The following TENM3 variants were observed in gnomAD, a reference collection of about 807,000 sequenced individuals.
TENM3 encodes teneurin-3.
A neutral mutation model predicts 255.1 loss-of-function variants in TENM3; 63 were observed. The observed-to-expected ratio is 0.25, with a 90% CI of 0.20 to 0.30. TENM3 has a LOEUF of 0.30. TENM3 is among the 10% of genes least tolerant of loss of function. TENM3 has a pLI of 1.00. For synonymous variants in TENM3, 1,306 were observed against 1,322.3 expected (o/e 0.99, Z 0.27); for missense variants, 2,929 against 3,461.1 (o/e 0.85, Z 3.86).
At chr4:181,758,701 C>A in the TENM3 span, among the ~76,000 whole-genome samples, 1 of 152,282 alleles carries the variant, frequency 6.6e-6, no homozygotes, top group Non-Finnish European at 1.5e-5. Context: ...TATTTGACAG[C>A]CAGCCTGCTT....
At chr4:182,275,179 C>T (rs76023719) in intron 1 of TENM3, among the ~76,000 whole-genome samples, 48 of 152,200 alleles carry the variant, frequency 3.2e-4, no homozygotes, top group African/African-American at 8.7e-4. Context: ...ATTGTCGTCT[C>T]GTGTAATGGC....
At chr4:182,544,816 C>T (rs1055726306) in intron 3 of TENM3, among the ~76,000 whole-genome samples, 1 of 152,128 alleles carries the variant, frequency 6.6e-6, no homozygotes, top group Admixed American at 6.5e-5. Context: ...CAAATATATG[C>T]CCACACTGTT....
intron 2 of TENM3, among the ~76,000 whole-genome samples, chr4:182,326,919 A>G (rs1452443439): frequency 6.6e-6 from 1 of 152,142 alleles, no homozygotes; most frequent in African/African-American, 2.4e-5. Flanking sequence ...ATATTTAGGA[A>G]ATAAAATTGA....
chr4:181,774,091 G>A, the TENM3 span, among the ~76,000 whole-genome samples: 1 of 92,626 alleles, frequency 1.1e-5, no homozygotes, highest in Non-Finnish European at 2.0e-5. Flanking sequence ...ATGTATACAT[G>A]TGCCATGCTG....
At chr4:181,998,184 C>T in the TENM3 span, among the ~76,000 whole-genome samples, 1 of 152,104 alleles carries the variant, frequency 6.6e-6, no homozygotes, top group Non-Finnish European at 1.5e-5. Flanking sequence ...TTTTTAAAAT[C>T]ATGCACAGAA....
chr4:182,437,106 G>A (rs1231878916), intron 3 of TENM3, among the ~76,000 whole-genome samples: 1 of 151,428 alleles, frequency 6.6e-6, no homozygotes, highest in Non-Finnish European at 1.5e-5. Context: ...TAAATGCATT[G>A]AAATGTGCCT....
At chr4:182,672,943 C>T in intron 6 of TENM3, 62 bp from the exon 7 acceptor site, 1 of 1,245,328 alleles carries the variant, frequency 8.0e-7, no homozygotes, top group Middle Eastern at 2.7e-4. Flanking sequence ...AGTTTAAAAA[C>T]CTTTTTTGTT....
At chr4:182,173,178 A>G (rs990583653) in intron 1 of TENM3, among the ~76,000 whole-genome samples, 1 of 152,206 alleles carries the variant, frequency 6.6e-6, no homozygotes, top group Non-Finnish European at 1.5e-5. Context: ...GGAGTCAACA[A>G]ATGTTTATGA....
At chr4:182,755,771 C>T (rs949584061) in intron 22 of TENM3, among the ~76,000 whole-genome samples, 3 of 151,438 alleles carry the variant, frequency 2.0e-5, no homozygotes, top group Admixed American at 6.6e-5. Context: ...ACCCGGGAGG[C>T]GCAGCTTGCA....
At chr4:181,564,443 A>G in the TENM3 span, among the ~76,000 whole-genome samples, 1 of 152,124 alleles carries the variant, frequency 6.6e-6, no homozygotes, top group Non-Finnish European at 1.5e-5. Flanking sequence ...GGGGCAGAGC[A>G]TGGATTGAAA....
chr4:181,704,536 T>A, the TENM3 span, among the ~76,000 whole-genome samples: 5 of 152,166 alleles, frequency 3.3e-5, no homozygotes, highest in Non-Finnish European at 7.3e-5. Context: ...AGATACAAAT[T>A]ATTTTTTTTC....
chr4:181,836,194 C>A, the TENM3 span, among the ~76,000 whole-genome samples: 4 of 151,630 alleles, frequency 2.6e-5, no homozygotes, highest in African/African-American at 9.7e-5. Flanking sequence ...CACACACACA[C>A]ACACACACAC....
At chr4:181,863,274 G>T in the TENM3 span, among the ~76,000 whole-genome samples, 2 of 152,192 alleles carry the variant, frequency 1.3e-5, no homozygotes, top group South Asian at 4.2e-4. Context: ...CTTCTTCAAA[G>T]AACTGTAAGC....
the TENM3 span, among the ~76,000 whole-genome samples, chr4:181,593,612 G>A: frequency 5.9e-5 from 9 of 152,268 alleles, no homozygotes; most frequent in African/African-American, 2.2e-4. Flanking sequence ...AAAATTTTTT[G>A]TTAGTATACA....
the TENM3 span, among the ~76,000 whole-genome samples, chr4:181,503,868 G>A: frequency 1.3e-5 from 2 of 152,096 alleles, no homozygotes; most frequent in Admixed American, 6.5e-5. Flanking sequence ...TTCCTGCTCC[G>A]CTCGGAAGGA....
intron 4 of TENM3, among the ~76,000 whole-genome samples, chr4:182,624,991 T>A (rs545701070): frequency 6.6e-6 from 1 of 152,296 alleles, no homozygotes; most frequent in African/African-American, 2.4e-5. Context: ...ACGTCTGAGC[T>A]GAGATTTGGA....
intron 12 of TENM3, among the ~76,000 whole-genome samples, chr4:182,706,543 C>T (rs1187894489): frequency 1.3e-5 from 2 of 152,100 alleles, no homozygotes; most frequent in African/African-American, 4.8e-5. Flanking sequence ...CAAAAGATGG[C>T]CTCTGTATTA....
intron 1 of TENM3, among the ~76,000 whole-genome samples, chr4:182,166,327 T>A (rs1751720861): frequency 6.6e-6 from 1 of 152,168 alleles, no homozygotes. Context: ...ATTGACGATA[T>A]GATTGAGGGA....
chr4:181,980,892 T>C, the TENM3 span, among the ~76,000 whole-genome samples: 1 of 152,164 alleles, frequency 6.6e-6, no homozygotes, highest in Non-Finnish European at 1.5e-5. Context: ...TGTAATGAAT[T>C]AAATGTCCTG....
Sources: allele counts gnomAD v4.1 joint callset (sites outside exome capture counted in the v4.1 genomes callset), GRCh38; gene constraint gnomAD v4.1.1; transcripts MANE v1.5; gene names NCBI Gene and HGNC (gene_info 2026-07-23, HGNC 2026-07-21).